KSR2: variants seen among roughly 807,000 people sequenced by gnomAD.
The protein encoded by KSR2 is kinase suppressor of ras 2.
A neutral mutation model predicts 107.8 loss-of-function variants in KSR2; 25 were observed. That is an observed-to-expected ratio of 0.23 (90% CI 0.17 to 0.32). The LOEUF is 0.32. Ranked by LOEUF, KSR2 falls within the 10% of genes least tolerant of loss-of-function variation. KSR2 has a pLI of 1.00. For synonymous variants in KSR2, 480 were observed against 507.0 expected (o/e 0.95, Z 0.71); for missense variants, 887 against 1,268.9 (o/e 0.70, Z 4.57).
chr12:117,654,355 T>G (rs1884037763), intron 5 of KSR2, among the ~76,000 whole-genome samples: 1 of 152,192 alleles, frequency 6.6e-6, no homozygotes. Flanking sequence ...CTGCCTTCTC[T>G]TCCCCAGCCT....
chr12:117,699,184 G>A (rs546764870), intron 4 of KSR2, among the ~76,000 whole-genome samples: 11 of 152,294 alleles, frequency 7.2e-5, no homozygotes, highest in East Asian at 5.8e-4. Context: ...TCTGCTTTAA[G>A]CCTAGCTCCT....
chr12:117,654,122 C>T (rs1022431241), intron 5 of KSR2, among the ~76,000 whole-genome samples: 5 of 152,200 alleles, frequency 3.3e-5, no homozygotes, highest in African/African-American at 1.2e-4. Context: ...GTACATTTGG[C>T]TATGGGTCAT....
At chr12:117,867,096 G>A (rs889062231) in intron 1 of KSR2, among the ~76,000 whole-genome samples, 5 of 151,966 alleles carry the variant, frequency 3.3e-5, no homozygotes, top group East Asian at 3.9e-4. Context: ...TGGGAGGATC[G>A]CTTGAGCTCA....
At chr12:117,825,000 C>T (rs1225498400) in intron 3 of KSR2, among the ~76,000 whole-genome samples, 8 of 151,534 alleles carry the variant, frequency 5.3e-5, no homozygotes, top group East Asian at 1.9e-4. Flanking sequence ...GCCAACATAG[C>T]GAAACCCTGT....
chr12:117,874,482 C>T (rs902858621), intron 1 of KSR2, among the ~76,000 whole-genome samples: 2 of 152,168 alleles, frequency 1.3e-5, no homozygotes, highest in African/African-American at 4.8e-5. Context: ...ATCCTCCTGC[C>T]TTGGTCTCCT....
chr12:117,810,111 ACCAATGG>A (rs1405369322), intron 3 of KSR2, among the ~76,000 whole-genome samples: 4 of 152,028 alleles, frequency 2.6e-5, no homozygotes, highest in Non-Finnish European at 5.9e-5. Context: ...TGAGCTGCTA[ACCAATGG>A]AACCTAACAA....
intron 4 of KSR2, among the ~76,000 whole-genome samples, chr12:117,724,366 A>C (rs1207554330): frequency 6.6e-6 from 1 of 152,098 alleles, no homozygotes; most frequent in East Asian, 1.9e-4. Flanking sequence ...TATACCTAAA[A>C]ATAAGTAGCA....
chr12:117,829,239 C>T (rs1286632863), intron 3 of KSR2, among the ~76,000 whole-genome samples: 1 of 152,172 alleles, frequency 6.6e-6, no homozygotes, highest in Non-Finnish European at 1.5e-5. Context: ...AACTATGTGC[C>T]TCACTACAGG....
At chr12:117,803,197 G>T (rs1036894041) in intron 3 of KSR2, among the ~76,000 whole-genome samples, 20 of 152,286 alleles carry the variant, frequency 1.3e-4, no homozygotes, top group African/African-American at 4.3e-4. Context: ...AAAGAGAGAG[G>T]AGGACTTCAG....
At chr12:117,646,652 T>A (rs1883658642) in intron 5 of KSR2, among the ~76,000 whole-genome samples, 1 of 152,138 alleles carries the variant, frequency 6.6e-6, no homozygotes, top group Non-Finnish European at 1.5e-5. Flanking sequence ...CTTGTCATGA[T>A]GGAGTCAGCA....
chr12:117,888,106 G>T (rs1894231755), intron 1 of KSR2, among the ~76,000 whole-genome samples: 1 of 152,154 alleles, frequency 6.6e-6, no homozygotes, highest in Non-Finnish European at 1.5e-5. Flanking sequence ...CTTTTCTCCA[G>T]CCCCAAAACC....
At chr12:117,847,271 C>A (rs146023756) in intron 3 of KSR2, among the ~76,000 whole-genome samples, 5 of 152,334 alleles carry the variant, frequency 3.3e-5, no homozygotes, top group South Asian at 2.1e-4. Flanking sequence ...GAAGACCGTA[C>A]GGTGGCAGGC....
At chr12:117,501,610 C>T (rs1490614933) in intron 14 of KSR2, among the ~76,000 whole-genome samples, 1 of 152,180 alleles carries the variant, frequency 6.6e-6, no homozygotes, top group Non-Finnish European at 1.5e-5. Context: ...AAAGAGCCAG[C>T]AAGTGTCATA....
chr12:117,898,236 G>C (rs1242809598), intron 1 of KSR2, among the ~76,000 whole-genome samples: 1 of 152,070 alleles, frequency 6.6e-6, no homozygotes, highest in Non-Finnish European at 1.5e-5. Context: ...CATTTCAAAA[G>C]CCCTCTGGTT....
At chr12:117,478,874 A>G (rs1219445105) in intron 16 of KSR2, among the ~76,000 whole-genome samples, 2 of 152,272 alleles carry the variant, frequency 1.3e-5, no homozygotes, top group African/African-American at 4.8e-5. Context: ...TAACTTAAAT[A>G]TATTTCAATA....
chr12:117,871,176 T>C (rs1450767821), intron 1 of KSR2, among the ~76,000 whole-genome samples: 1 of 152,172 alleles, frequency 6.6e-6, no homozygotes, highest in Non-Finnish European at 1.5e-5. Context: ...GTCCCCATTG[T>C]ACAAAGGAAG....
rs112647489 is a variant in KSR2, at chr12:117,958,738, T to C, written c.180+9338A>G. On this transcript the variant is annotated intron_variant, in intron 1 of 19. Coordinates refer to ENST00000339824, the MANE Select transcript of KSR2 (RefSeq NM_173598.6). ...CGGGAGGCTGAGGCGCAAGAATTGC[T>C]TGAACCTGGGAGACAGAGGTTGTAG... 7.7e-3 allele frequency among the ~76,000 whole-genome samples: 1,175 copies of C among 152,250 alleles called. 9 individuals are homozygous for C. Among genetic ancestry groups the C allele is most frequent in the Non-Finnish European group, 0.013 (858 of 68,014 alleles).
intron 4 of KSR2, among the ~76,000 whole-genome samples, chr12:117,731,523 C>A (rs575623219): frequency 6.6e-6 from 1 of 152,222 alleles, no homozygotes; most frequent in Non-Finnish European, 1.5e-5. Context: ...GCCGCCACCC[C>A]GTCTGGGAGG....
chr12:117,906,920 G>A (rs372514151), intron 1 of KSR2, among the ~76,000 whole-genome samples: 2 of 151,986 alleles, frequency 1.3e-5, no homozygotes, highest in African/African-American at 2.4e-5. Flanking sequence ...CTAAGTGGCT[G>A]AGGCAGGAGG....
Sources: allele counts gnomAD v4.1 joint callset (sites outside exome capture counted in the v4.1 genomes callset), GRCh38; gene constraint gnomAD v4.1.1; transcripts MANE v1.5; gene names NCBI Gene and HGNC (gene_info 2026-07-23, HGNC 2026-07-21).